SOX5: variants seen among roughly 807,000 people sequenced by gnomAD.
SOX5 encodes SRY-box transcription factor 5.
In SOX5, 9 loss-of-function variants were observed where a neutral mutation model predicts 92.0. The ratio of observed to expected loss-of-function variants is 0.10; its 90% CI spans 0.06 to 0.17. The LOEUF (loss-of-function observed/expected upper bound fraction) is 0.17, where lower values mean the gene tolerates loss of function less well. Ranked by LOEUF, SOX5 falls within the 10% of genes least tolerant of loss-of-function variation. The pLI is 1.00. For missense variants in SOX5, 642 were observed against 944.5 expected (o/e 0.68, Z 4.20); for synonymous variants, 344 against 336.3 (o/e 1.02, Z -0.25).
chr12:23,947,628 T>C (rs1944812338), intron 1 of SOX5, among the ~76,000 whole-genome samples: 1 of 151,880 alleles, frequency 6.6e-6, no homozygotes, highest in Admixed American at 6.6e-5. Flanking sequence ...CTAAATATGA[T>C]AGTCATACTA....
rs571045347 is a variant in SOX5, at chr12:24,075,220, G to GATAC, written c.-2+138119_-2+138122dup. Among the ~76,000 whole-genome samples the GATAC allele has an allele frequency of 4.4e-4, 60 of 137,564 alleles. 1 individual carries two copies. The East Asian group carries it at 0.013, about 31-fold the overall frequency. The allele number at this position is 137,564 out of a possible 152,430, so 90.2% of individuals were successfully genotyped here. ...AAACTTTGAGGCTTCAGTGAGCTATGATACCATCACTGCACTCCAGCCTGG... is the reference window on the plus strand; with the variant it reads ...AAACTTTGAGGCTTCAGTGAGCTATGATACATACCATCACTGCACTCCAGCCTGG... On this transcript the variant is annotated intron_variant, in intron 4 of 4. Transcript: ENST00000446891.
chr12:24,075,905 A>G (rs1218789467), intron 4 of SOX5, among the ~76,000 whole-genome samples: 2 of 152,218 alleles, frequency 1.3e-5, no homozygotes, highest in Non-Finnish European at 1.5e-5. Flanking sequence ...CAAGATGCTG[A>G]TTCCCACCAA....
intron 4 of SOX5, among the ~76,000 whole-genome samples, chr12:24,205,485 CAAAT>C (rs1957931096): frequency 6.6e-6 from 1 of 152,106 alleles, no homozygotes; most frequent in Non-Finnish European, 1.5e-5. Flanking sequence ...ACAAAGATGA[CAAAT>C]AACTCGTCTA....
intron 6 of SOX5, among the ~76,000 whole-genome samples, chr12:23,672,530 A>G (rs2084965685): frequency 6.6e-6 from 1 of 152,164 alleles, no homozygotes; most frequent in African/African-American, 2.4e-5. Flanking sequence ...CAGAGAGGTG[A>G]AGATAGTTTG....
intron 4 of SOX5, among the ~76,000 whole-genome samples, chr12:24,120,189 T>C (rs1565475833): frequency 6.6e-6 from 1 of 152,218 alleles, no homozygotes; most frequent in Non-Finnish European, 1.5e-5. Flanking sequence ...CACTCAGAAG[T>C]GGAATTGGAG....
intron 2 of SOX5, among the ~76,000 whole-genome samples, chr12:24,287,214 A>G (rs888534498): frequency 6.6e-6 from 1 of 152,232 alleles, no homozygotes; most frequent in Non-Finnish European, 1.5e-5. Flanking sequence ...TTCATATTTG[A>G]CCCAAAAGAA....
At chr12:24,254,333 T>G (rs1940742496) in intron 3 of SOX5, among the ~76,000 whole-genome samples, 1 of 151,656 alleles carries the variant, frequency 6.6e-6, no homozygotes, top group Admixed American at 6.6e-5. Flanking sequence ...TTAGCACAGA[T>G]GCTCCTTGAT....
intron 1 of SOX5, among the ~76,000 whole-genome samples, chr12:23,948,079 T>C (rs941800798): frequency 2.0e-5 from 3 of 152,056 alleles, no homozygotes; most frequent in African/African-American, 4.8e-5. Flanking sequence ...CTTCAACATC[T>C]ACCTATGATA....
At chr12:23,618,108 A>G (rs1338177797) in intron 8 of SOX5, among the ~76,000 whole-genome samples, 1 of 152,188 alleles carries the variant, frequency 6.6e-6, no homozygotes, top group Non-Finnish European at 1.5e-5. Context: ...TCCATCTGGC[A>G]AGGTAAGAAG....
At chr12:24,352,046 G>C (rs1268990694) in intron 2 of SOX5, among the ~76,000 whole-genome samples, 1 of 152,176 alleles carries the variant, frequency 6.6e-6, no homozygotes. Flanking sequence ...AATGGTTTAA[G>C]TATCTTGAAA....
chr12:23,851,985 TG>T (rs1342806747), intron 2 of SOX5, among the ~76,000 whole-genome samples: 1 of 152,174 alleles, frequency 6.6e-6, no homozygotes, highest in African/African-American at 2.4e-5. Flanking sequence ...TGGTATGTAG[TG>T]GCCTAATCTA....
chr12:23,914,936 A>G (rs1482319896), intron 1 of SOX5, among the ~76,000 whole-genome samples: 2 of 152,106 alleles, frequency 1.3e-5, no homozygotes, highest in African/African-American at 4.8e-5. Flanking sequence ...GCCAAAACCA[A>G]TATTACTCAT....
At chr12:23,537,944 GTT>G (rs5797021) in intron 13 of SOX5, among the ~76,000 whole-genome samples, 11,028 of 147,852 alleles carry the variant, frequency 0.075, 531 homozygotes, top group South Asian at 0.12. Flanking sequence ...TAGTAATAGC[GTT>G]TTTTTTTTTT....
chr12:24,251,572 GTTT>G (rs68085452), intron 3 of SOX5, among the ~76,000 whole-genome samples: 1 of 141,484 alleles, frequency 7.1e-6, no homozygotes, highest in Non-Finnish European at 1.5e-5. Flanking sequence ...AGGGTTTTTT[GTTT>G]TTTTTTTTTT....
intron 4 of SOX5, among the ~76,000 whole-genome samples, chr12:24,085,452 A>T (rs1489858250): frequency 6.6e-6 from 1 of 152,108 alleles, no homozygotes; most frequent in African/African-American, 2.4e-5. Flanking sequence ...AAGTTGTCAG[A>T]TGGCAGCGTG....
At chr12:23,845,043 C>T (rs968408174) in intron 3 of SOX5, among the ~76,000 whole-genome samples, 2 of 152,208 alleles carry the variant, frequency 1.3e-5, no homozygotes, top group East Asian at 1.9e-4. Context: ...TGTCACATGG[C>T]TGTCACATAT....
intron 8 of SOX5, among the ~76,000 whole-genome samples, chr12:23,633,586 T>TA (rs572269002): frequency 6.6e-6 from 1 of 151,434 alleles, no homozygotes; most frequent in African/African-American, 2.4e-5. Context: ...CTCTTGGAGG[T>TA]AAAAAAGAGT....
chr12:23,987,778 G>A (rs1455633621), intron 4 of SOX5, among the ~76,000 whole-genome samples: 2 of 152,158 alleles, frequency 1.3e-5, no homozygotes, highest in African/African-American at 4.8e-5. Flanking sequence ...GGGCGACAGA[G>A]CTAGACCCTG....
chr12:24,167,721 G>A (rs1272146663), intron 4 of SOX5, among the ~76,000 whole-genome samples: 5 of 152,072 alleles, frequency 3.3e-5, no homozygotes, highest in African/African-American at 1.2e-4. Flanking sequence ...ATTTTGTTTC[G>A]ATCTAGTCCA....
Sources: gnomAD v4.1 joint callset for allele counts (sites outside exome capture counted in the v4.1 genomes callset) on GRCh38, gnomAD v4.1.1 for gene constraint, MANE v1.5 for transcripts, NCBI Gene and HGNC (gene_info 2026-07-23, HGNC 2026-07-21) for gene names.